Variants in KCTD1 observed in about 807,000 individuals in gnomAD.
The protein encoded by KCTD1 is BTB/POZ domain-containing protein KCTD1.
A neutral mutation model predicts 66.0 loss-of-function variants in KCTD1; 24 were observed. That is an observed-to-expected ratio of 0.36 (90% CI 0.26 to 0.51). The LOEUF is 0.51. KCTD1 is among the 20% of genes least tolerant of loss of function. The probability of loss-of-function intolerance (pLI) is 0.95; values close to 1 mark genes in which losing one functional copy is unlikely to be tolerated. For missense variants in KCTD1, 943 were observed against 1,205.2 expected (o/e 0.78, Z 3.22); for synonymous variants, 511 against 517.2 (o/e 0.99, Z 0.16).
At position 26,547,420 on chromosome 18, in the gene KCTD1, C is replaced by T; in HGVS notation, c.1117G>A (p.Glu373Lys). The T allele has an allele frequency of 6.4e-7, 1 of 1,551,262 alleles. No homozygotes were observed. The highest frequency in any genetic ancestry group is 8.7e-7 in the Non-Finnish European group (1 of 1,146,724). ...SKKRAESSDE[E>K]NLPRMYETGT... Reference sequence around the variant, plus strand: ...GTCTCATACATGCGGGGCAAGTTCTCCTCGTCGCTGCTCTCGGCGCGCTTC... The same window carrying T: ...GTCTCATACATGCGGGGCAAGTTCTTCTCGTCGCTGCTCTCGGCGCGCTTC... Residue 373 changes from glutamate (E) to lysine (K), a missense_variant, in exon 1 of 5, where the codon GAG (glutamate) becomes AAG (lysine). Around this residue, in one of 10 missense-constraint regions of KCTD1, gnomAD observed 66 missense variants for 61.6 expected, o/e 1.07. Coordinates refer to ENST00000580059, the MANE Select transcript of KCTD1 (RefSeq NM_001142730.3).
chr18:26,652,825 TC>T (rs762243459), intron 1 of KCTD1, among the ~76,000 whole-genome samples: 5 of 152,218 alleles, frequency 3.3e-5, no homozygotes, highest in Non-Finnish European at 4.4e-5. Flanking sequence ...TGCTACTTAA[TC>T]TGGCTATTAG....
chr18:26,511,810 C>G (rs1983345632), intron 1 of KCTD1, among the ~76,000 whole-genome samples: 1 of 152,146 alleles, frequency 6.6e-6, no homozygotes, highest in African/African-American at 2.4e-5. Flanking sequence ...TTCACCCTGT[C>G]TGTGTTTGGG....
chr18:26,467,014 AT>A (rs540125801), intron 3 of KCTD1, among the ~76,000 whole-genome samples: 3 of 152,150 alleles, frequency 2.0e-5, no homozygotes, highest in African/African-American at 4.8e-5. Context: ...AGAGGAAATA[AT>A]TTTTTTTAAA....
At chr18:26,657,253 C>T (rs1378264211) in intron 1 of KCTD1, 2 of 859,330 alleles carry the variant, frequency 2.3e-6, no homozygotes, top group Non-Finnish European at 2.8e-6. Context: ...GCGAGTGTGC[C>T]GCGCTCTCGC....
chr18:26,562,523 A>G (rs773661028), intron 1 of KCTD1, among the ~76,000 whole-genome samples: 1 of 152,150 alleles, frequency 6.6e-6, no homozygotes, highest in Non-Finnish European at 1.5e-5. Flanking sequence ...CAGCCTCCCA[A>G]GGTGTTGGGA....
intron 1 of KCTD1, among the ~76,000 whole-genome samples, chr18:26,572,806 C>T (rs1182385033): frequency 1.3e-5 from 2 of 152,108 alleles, no homozygotes; most frequent in Admixed American, 1.3e-4. Context: ...GATGAGAGGA[C>T]ATAAAATCTC....
intron 1 of KCTD1, among the ~76,000 whole-genome samples, chr18:26,583,171 A>G (rs959581758): frequency 2.4e-4 from 36 of 152,234 alleles, no homozygotes; most frequent in Admixed American, 2.2e-3. Context: ...AAGCAGGTGG[A>G]TCACCTGAGG....
chr18:26,485,149 C>T (rs2144629612), intron 2 of KCTD1, among the ~76,000 whole-genome samples: 1 of 152,312 alleles, frequency 6.6e-6, no homozygotes, highest in East Asian at 1.9e-4. Flanking sequence ...AAATAATTCT[C>T]ATGAGGAATA....
chr18:26,463,966 T>C (rs76509174), intron 3 of KCTD1, among the ~76,000 whole-genome samples: 9,120 of 152,218 alleles, frequency 0.06, 317 homozygotes, highest in African/African-American at 0.08. Context: ...AAAACAGACA[T>C]GGGTGGTGGA....
At chr18:26,469,292 C>T (rs559512330) in intron 3 of KCTD1, among the ~76,000 whole-genome samples, 11 of 152,010 alleles carry the variant, frequency 7.2e-5, no homozygotes, top group South Asian at 6.2e-4. Context: ...TCAGGGAGCA[C>T]GCAAAAGGTG....
intron 1 of KCTD1, among the ~76,000 whole-genome samples, chr18:26,514,220 C>T (rs1376635563): frequency 1.3e-5 from 2 of 152,042 alleles, no homozygotes; most frequent in Non-Finnish European, 2.9e-5. Flanking sequence ...GCCAAGTTTT[C>T]CAAAAGATAT....
At chr18:26,517,946 TCCC>T (rs1226944401) in intron 1 of KCTD1, among the ~76,000 whole-genome samples, 1 of 151,858 alleles carries the variant, frequency 6.6e-6, no homozygotes, top group Non-Finnish European at 1.5e-5. Context: ...TGGGGTGGGG[TCCC>T]CCCAAGTCCC....
intron 1 of KCTD1, among the ~76,000 whole-genome samples, chr18:26,597,459 G>A (rs991274918): frequency 6.6e-6 from 1 of 152,150 alleles, no homozygotes; most frequent in Non-Finnish European, 1.5e-5. Flanking sequence ...CCTGTGATTA[G>A]GGACTGGAAT....
chr18:26,514,082 A>G (rs1983500419), intron 1 of KCTD1, among the ~76,000 whole-genome samples: 1 of 152,176 alleles, frequency 6.6e-6, no homozygotes, highest in Non-Finnish European at 1.5e-5. Context: ...TATATCTTTT[A>G]TTGTTCTAGA....
At chr18:26,563,567 C>T (rs902874174) in intron 1 of KCTD1, among the ~76,000 whole-genome samples, 1 of 152,180 alleles carries the variant, frequency 6.6e-6, no homozygotes, top group African/African-American at 2.4e-5. Flanking sequence ...GGAAACATTC[C>T]CTGACTTCAG....
chr18:26,473,269 A>T (rs1392646672), intron 3 of KCTD1, among the ~76,000 whole-genome samples: 2 of 152,150 alleles, frequency 1.3e-5, no homozygotes, highest in Non-Finnish European at 2.9e-5. Flanking sequence ...AGGGATATGG[A>T]TGAAGCTGGA....
At chr18:26,494,146 G>C (rs1040636713) in intron 2 of KCTD1, among the ~76,000 whole-genome samples, 5 of 152,186 alleles carry the variant, frequency 3.3e-5, no homozygotes, top group African/African-American at 1.2e-4. Flanking sequence ...GAGGTGGGAG[G>C]ATCACTTGAG....
intron 2 of KCTD1, among the ~76,000 whole-genome samples, chr18:26,497,578 C>A (rs999044106): frequency 5.9e-5 from 9 of 152,130 alleles, no homozygotes; most frequent in Non-Finnish European, 8.8e-5. Flanking sequence ...CTAAAATTTG[C>A]GTATGGGTCC....
chr18:26,555,027 C>T lies in KCTD1; in HGVS notation c.-15-53777G>A, dbSNP rs1277700532. 2.0e-5 allele frequency among the ~76,000 whole-genome samples: 3 copies of T among 152,048 alleles called. No individual in the cohort carries two copies. The East Asian group carries it at 5.8e-4, about 29-fold the overall frequency. ...GGGATTAAAGTGGACATTAGTCCTG[C>T]TATTAAATAAAATTTTATTTCAGTG... On this transcript the variant is annotated intron_variant, in intron 1 of 4. Coordinates refer to the KCTD1 transcript ENST00000317932.
Sources: allele counts gnomAD v4.1 joint callset (sites outside exome capture counted in the v4.1 genomes callset), GRCh38; gene constraint gnomAD v4.1.1; regional missense constraint gnomAD v4.1.1; transcripts MANE v1.5; gene names NCBI Gene and HGNC (gene_info 2026-07-23, HGNC 2026-07-21).